Variants in CRISPLD1 observed in about 807,000 individuals in gnomAD.
The protein encoded by CRISPLD1 is cysteine rich secretory protein LCCL domain containing 1, also known as cysteine-rich secretory protein LCCL domain-containing 1.
Under a neutral mutation model 77.5 loss-of-function variants are expected in CRISPLD1, and 60 were observed. The observed-to-expected ratio is 0.77, with a 90% CI of 0.63 to 0.96. The LOEUF is 0.96. Among genes scored for constraint, CRISPLD1 ranks in the 40% least tolerant of loss-of-function variants. The pLI is 0.00. For missense variants in CRISPLD1, 623 were observed against 615.8 expected (o/e 1.01, Z -0.12); for synonymous variants, 195 against 200.1 (o/e 0.97, Z 0.22).
chr8:75,013,284 TG>T (rs747404929), intron 4 of CRISPLD1, among the ~76,000 whole-genome samples: 1 of 152,002 alleles, frequency 6.6e-6, no homozygotes, highest in Non-Finnish European at 1.5e-5. Context: ...CCCAGTAATA[TG>T]GGGGGAAATT....
At chr8:74,996,034 TTATA>T (rs10588040) in intron 2 of CRISPLD1, among the ~76,000 whole-genome samples, 13,567 of 145,606 alleles carry the variant, frequency 0.093, 662 homozygotes, top group African/African-American at 0.11. Flanking sequence ...GGTCATTGCT[TTATA>T]TATATATATA....
intron 6 of CRISPLD1, 125 bp from the exon 7 acceptor site, chr8:75,016,440 A>T: frequency 1.1e-6 from 1 of 937,254 alleles, no homozygotes; most frequent in Non-Finnish European, 1.5e-6. Flanking sequence ...AAACCTGTGC[A>T]GAAAAACAGT....
At chr8:75,006,937 A>G (rs1587012967) in intron 2 of CRISPLD1, among the ~76,000 whole-genome samples, 1 of 152,244 alleles carries the variant, frequency 6.6e-6, no homozygotes, top group African/African-American at 2.4e-5. Context: ...GTAATCCAAA[A>G]CAATGCTAAT....
At chr8:75,004,242 G>A (rs974799378) in intron 2 of CRISPLD1, among the ~76,000 whole-genome samples, 4 of 152,014 alleles carry the variant, frequency 2.6e-5, no homozygotes, top group African/African-American at 9.7e-5. Context: ...TCTGAGCCTC[G>A]TGCATTTTCC....
At chr8:75,014,294 T>C (rs1044706900) in intron 5 of CRISPLD1, among the ~76,000 whole-genome samples, 192 bp downstream of exon 5, 19 of 152,288 alleles carry the variant, frequency 1.2e-4, no homozygotes, top group African/African-American at 4.6e-4. Flanking sequence ...ATATGAAATA[T>C]GAAAGTATAA....
intron 2 of CRISPLD1, among the ~76,000 whole-genome samples, chr8:74,995,969 A>G (rs1324641328): frequency 6.6e-6 from 1 of 151,552 alleles, no homozygotes; most frequent in East Asian, 1.9e-4. Context: ...TTAAATTCTC[A>G]TATTTTTAAT....
chr8:75,014,957 A>G, intron 6 of CRISPLD1, 45 bp downstream of exon 6: 1 of 1,309,172 alleles, frequency 7.6e-7, no homozygotes, highest in Non-Finnish European at 1.0e-6. Flanking sequence ...TTATATTTTA[A>G]TCCAGCTCCT....
chr8:75,013,475 A>G (rs1380485214), intron 4 of CRISPLD1, among the ~76,000 whole-genome samples: 1 of 152,148 alleles, frequency 6.6e-6, no homozygotes, highest in Admixed American at 6.6e-5. Context: ...CTCACTGCTG[A>G]TCAGACTTAT....
Position 75,007,923 on chromosome 8 carries a change from A to G in CRISPLD1, c.259-4510A>G, listed in dbSNP as rs1259878379. Among the ~76,000 whole-genome samples, 4 of 151,768 alleles carry G rather than the reference A, an allele frequency of 2.6e-5. No homozygotes were observed. In the East Asian group the frequency reaches 5.8e-4, roughly 22 times the overall value. ...GGAACTCCTGGCCTCAAGTGATCCT[A>G]CCACCCTCGCCTCCCGCAAAGTGCT... On this transcript the variant is annotated intron_variant, in intron 2 of 14. Transcript: ENST00000262207.
intron 2 of CRISPLD1, among the ~76,000 whole-genome samples, chr8:75,007,931 C>T (rs192737928): frequency 2.0e-5 from 3 of 152,082 alleles, no homozygotes; most frequent in East Asian, 3.9e-4. Context: ...CTACCACCCT[C>T]GCCTCCCGCA....
At chr8:75,005,601 A>AT (rs1309386573) in intron 2 of CRISPLD1, among the ~76,000 whole-genome samples, 1 of 152,072 alleles carries the variant, frequency 6.6e-6, no homozygotes, top group Non-Finnish European at 1.5e-5. Context: ...ATTGAGCATA[A>AT]TTCTATCATT....
intron 14 of CRISPLD1, among the ~76,000 whole-genome samples, chr8:75,031,507 A>G (rs1449643253): frequency 6.6e-6 from 1 of 151,900 alleles, no homozygotes; most frequent in Non-Finnish European, 1.5e-5. Context: ...AGTAAAATTT[A>G]TGAGTCTGCA....
intron 2 of CRISPLD1, among the ~76,000 whole-genome samples, chr8:75,008,163 G>A (rs1385940983): frequency 6.6e-6 from 1 of 152,088 alleles, no homozygotes; most frequent in Non-Finnish European, 1.5e-5. Flanking sequence ...GCTCTAAGAA[G>A]GAACAACTTT....
chr8:75,019,475 TGTA>T (rs1441214692), intron 10 of CRISPLD1, among the ~76,000 whole-genome samples: 1 of 152,204 alleles, frequency 6.6e-6, no homozygotes, highest in Non-Finnish European at 1.5e-5. Context: ...CTTATTATTT[TGTA>T]GTCTTTTCAC....
chr8:75,002,691 G>A (rs963252776), intron 2 of CRISPLD1, among the ~76,000 whole-genome samples: 5 of 151,868 alleles, frequency 3.3e-5, no homozygotes, highest in African/African-American at 7.3e-5. Flanking sequence ...GGGGCAACAC[G>A]TTCTGAAATT....
chr8:75,013,133 T>A (rs889409701), intron 4 of CRISPLD1, 111 bp downstream of exon 4: 4 of 782,222 alleles, frequency 5.1e-6, no homozygotes, highest in Non-Finnish European at 5.4e-6. Flanking sequence ...ATTAAAAAAA[T>A]TTATATGGAT....
rs540732651 is a variant in CRISPLD1, at chr8:75,009,072, G to A, written c.259-3361G>A. ...GATTGTAGAATCGTGTGTGAAACAA[G>A]AGTAAATTGAACTTGAGTAGAGGCC... On this transcript the variant is annotated intron_variant, in intron 2 of 14. Transcript: ENST00000262207. Among the ~76,000 whole-genome samples, 4 of 152,168 alleles carry A rather than the reference G, an allele frequency of 2.6e-5. No homozygotes were observed. The South Asian group carries it at 8.3e-4, about 32-fold the overall frequency.
At chr8:75,013,728 AATT>A (rs2128785469) in intron 4 of CRISPLD1, among the ~76,000 whole-genome samples, 1 of 152,136 alleles carries the variant, frequency 6.6e-6, no homozygotes, top group Non-Finnish European at 1.5e-5. Flanking sequence ...GTAACTTTTG[AATT>A]ATTTACTAAA....
chr8:75,008,189 A>G (rs76994487), intron 2 of CRISPLD1, among the ~76,000 whole-genome samples: 153 of 152,288 alleles, frequency 1.0e-3, no homozygotes, highest in Non-Finnish European at 1.6e-3. Flanking sequence ...GTAGTTGGGA[A>G]ATAGAGTTGT....
Sources: allele counts gnomAD v4.1 joint callset (sites outside exome capture counted in the v4.1 genomes callset), GRCh38; gene constraint gnomAD v4.1.1; transcripts MANE v1.5; gene names NCBI Gene and HGNC (gene_info 2026-07-23, HGNC 2026-07-21).